Variants in GALNT5 observed in about 807,000 individuals in gnomAD.
GALNT5 encodes polypeptide N-acetylgalactosaminyltransferase 5.
A neutral mutation model predicts 85.4 loss-of-function variants in GALNT5; 72 were observed. The ratio of observed to expected loss-of-function variants is 0.84; its 90% CI spans 0.70 to 1.03. The LOEUF (loss-of-function observed/expected upper bound fraction) is 1.03. Among genes scored for constraint, GALNT5 ranks in the 50% least tolerant of loss-of-function variants. The pLI is 0.00. For missense variants in GALNT5, 1,137 were observed against 1,135.5 expected (o/e 1.00, Z -0.02); for synonymous variants, 404 against 397.0 (o/e 1.02, Z -0.21).
chr2:157,289,012 G>A (rs1683035969), intron 3 of GALNT5, among the ~76,000 whole-genome samples: 1 of 152,274 alleles, frequency 6.6e-6, no homozygotes, highest in East Asian at 1.9e-4. Context: ...GGAGGAGCAG[G>A]TTTGGAATTG....
At chr2:157,302,181 C>T (rs969074427) in intron 7 of GALNT5, 1 of 152,152 alleles carries the variant, frequency 6.6e-6, no homozygotes, top group Admixed American at 6.5e-5. Flanking sequence ...TTAGTTATCC[C>T]GCCCTTTTAG....
chr2:157,297,302 A>T (rs764121962), intron 5 of GALNT5, among the ~76,000 whole-genome samples: 22 of 152,222 alleles, frequency 1.4e-4, no homozygotes, highest in Non-Finnish European at 2.6e-4. Context: ...TGCCTTCAGA[A>T]TTATTCCACC....
In GALNT5 at chr2:157,308,662, T is replaced by A; in HGVS notation, c.2616T>A (p.Pro872=). ...IPDKGAVRLH[P]CDNRNKGLKW... The stretch of plus-strand genomic sequence containing the variant: ...ATAAAGGAGCCGTAAGGCTGCACCC[T>A]TGTGATAACAGAAACAAAGGGCTAA... The change falls in exon 9 of 10, where the codon CCT becomes CCA. Residue 872 remains proline, a synonymous_variant. Coordinates refer to ENST00000259056, the MANE Select transcript of GALNT5 (RefSeq NM_014568.3). 1.2e-6 allele frequency: 2 copies of A among 1,613,840 alleles called. No individual in the cohort carries two copies. Among genetic ancestry groups the A allele is most frequent in the Non-Finnish European group, 1.7e-6 (2 of 1,179,764 alleles).
Position 157,316,347 on chromosome 2 carries a change from G to T in GALNT5, c.*4999G>T, listed in dbSNP as rs1441585928. Among the ~76,000 whole-genome samples, 1 of 151,948 alleles carries T rather than the reference G, an allele frequency of 6.6e-6. No homozygotes were observed. The highest frequency in any genetic ancestry group is 6.6e-5 in the Admixed American group (1 of 15,238). On this transcript the variant is annotated 3_prime_UTR_variant, in exon 10 of 10. Transcript: ENST00000259056. ...TTTTATTAAAGGAAAAATCCACCGA[G>T]AACTATTTTACCCTTTCTAATGGCC...
At chr2:157,291,474 C>A (rs192060291) in intron 3 of GALNT5, among the ~76,000 whole-genome samples, 1 of 152,082 alleles carries the variant, frequency 6.6e-6, no homozygotes, top group Admixed American at 6.5e-5. Context: ...TTAAACGGCA[C>A]GCCAAGCCAA....
At chr2:157,264,358 C>T (rs772821267) in intron 1 of GALNT5, among the ~76,000 whole-genome samples, 2 of 152,096 alleles carry the variant, frequency 1.3e-5, no homozygotes, top group Non-Finnish European at 2.9e-5. Context: ...AGAAAAATGA[C>T]TCAAAGGAAT....
At chr2:157,285,509 G>A (rs535245649) in intron 2 of GALNT5, among the ~76,000 whole-genome samples, 78 of 152,240 alleles carry the variant, frequency 5.1e-4, no homozygotes, top group African/African-American at 1.7e-3. Flanking sequence ...TAAAGCCCCC[G>A]GAAAACTGTT....
At chr2:157,287,442 T>A (rs1683006716) in intron 3 of GALNT5, among the ~76,000 whole-genome samples, 1 of 151,934 alleles carries the variant, frequency 6.6e-6, no homozygotes, top group Non-Finnish European at 1.5e-5. Flanking sequence ...CTCCCTCTCA[T>A]CCCCTCATCG....
intron 3 of GALNT5, among the ~76,000 whole-genome samples, chr2:157,289,060 G>A (rs1683036795): frequency 6.6e-6 from 1 of 152,128 alleles, no homozygotes; most frequent in African/African-American, 2.4e-5. Context: ...AATTTGAGAT[G>A]AAAATGAGAT....
chr2:157,262,387 A>G (rs927262903), intron 1 of GALNT5, among the ~76,000 whole-genome samples: 11 of 152,148 alleles, frequency 7.2e-5, no homozygotes, highest in African/African-American at 2.4e-4. Context: ...CTGTAATCTC[A>G]GCACTTTGGG....
rs1206959013 is a variant in GALNT5, at chr2:157,299,459, T to C, written c.1998-89T>C. On this transcript the variant is annotated intron_variant, in intron 5 of 9. Transcript: ENST00000259056. ...CAGGTAGCTATTCTGAAAAGCCTCC[T>C]ACCTCCCGTACAGATGTACAGAGGA... 1.2e-5 allele frequency: 9 copies of C among 745,136 alleles called. No individual in the cohort carries two copies. The Admixed American group carries it at 1.6e-4, about 13-fold the overall frequency. The allele number at this position is 745,136 out of a possible 1,614,324, so 46.2% of individuals were successfully genotyped here. A position where few individuals can be genotyped will look rare whatever the true frequency, so the allele number is the denominator to read the frequency against.
At position 157,257,774 on chromosome 2, in the gene GALNT5, T is replaced by C. The variant is rs1230713007; in HGVS notation, c.-309T>C. On this transcript the variant is annotated 5_prime_UTR_variant, in exon 1 of 10. Transcript: ENST00000259056. ...GGGCTCCCGGAGACAAGACAAGTGA[T>C]ATGTTGAACTGTTCGGTGGCTGGAA... 6.8e-6 allele frequency: 2 copies of C among 293,886 alleles called. No homozygotes were observed. Among genetic ancestry groups the C allele is most frequent in the East Asian group, 8.2e-5 (1 of 12,180 alleles). 18.2% of individuals were successfully genotyped at this position (293,886 alleles called of 1,614,324 possible).
chr2:157,303,718 A>G (rs1165910130), intron 7 of GALNT5, among the ~76,000 whole-genome samples: 1 of 152,176 alleles, frequency 6.6e-6, no homozygotes, highest in African/African-American at 2.4e-5. Flanking sequence ...TTCTAAGAAA[A>G]AGGAAAAAAA....
At chr2:157,277,396 ATCTG>A (rs1225622270) in intron 1 of GALNT5, among the ~76,000 whole-genome samples, 3 of 152,138 alleles carry the variant, frequency 2.0e-5, no homozygotes, top group Non-Finnish European at 2.9e-5. Context: ...TGTCTCATTG[ATCTG>A]TCTAATATTG....
chr2:157,291,637 C>CCCCT (rs1553463144), intron 3 of GALNT5, among the ~76,000 whole-genome samples: 4 of 135,942 alleles, frequency 2.9e-5, no homozygotes, highest in African/African-American at 1.1e-4. Context: ...CCACCCACCC[C>CCCCT]CCCCCAGATT....
chr2:157,289,957 C>T (rs1382467280), intron 3 of GALNT5, among the ~76,000 whole-genome samples: 1 of 151,406 alleles, frequency 6.6e-6, no homozygotes, highest in Non-Finnish European at 1.5e-5. Context: ...GCCTGTAATC[C>T]CAGCTACTCA....
At chr2:157,262,279 A>G (rs1273533275) in intron 1 of GALNT5, among the ~76,000 whole-genome samples, 1 of 152,004 alleles carries the variant, frequency 6.6e-6, no homozygotes, top group Admixed American at 6.6e-5. Context: ...TGAAGATAAT[A>G]ACTAGTCGGT....
At chr2:157,307,752 A>G (rs1683483775) in intron 8 of GALNT5, among the ~76,000 whole-genome samples, 1 of 152,218 alleles carries the variant, frequency 6.6e-6, no homozygotes, top group African/African-American at 2.4e-5. Flanking sequence ...ATTTAGATAG[A>G]TTTTACCAGA....
In GALNT5 at chr2:157,314,416, A is replaced by G. The variant is rs1363699045; in HGVS notation, c.*3068A>G. ...AGCTGACACAGTTGTTGTTGGTACAATCTTGTTCTATCACCAGCATCAAAT... is the reference window on the plus strand; with the variant it reads ...AGCTGACACAGTTGTTGTTGGTACAGTCTTGTTCTATCACCAGCATCAAAT... On this transcript the variant is annotated 3_prime_UTR_variant, in exon 10 of 10. Transcript: ENST00000259056. Among the ~76,000 whole-genome samples the G allele has an allele frequency of 6.6e-6, 1 of 152,120 alleles. No individual in the cohort carries two copies. The highest frequency in any genetic ancestry group is 1.5e-5 in the Non-Finnish European group (1 of 68,014).
Sources: gnomAD v4.1 joint callset for allele counts (sites outside exome capture counted in the v4.1 genomes callset) on GRCh38, gnomAD v4.1.1 for gene constraint, MANE v1.5 for transcripts, NCBI Gene and HGNC (gene_info 2026-07-23, HGNC 2026-07-21) for gene names.